Variants in MAP3K5 observed in about 807,000 individuals in gnomAD.
MAP3K5 encodes mitogen-activated protein kinase kinase kinase 5.
In MAP3K5, 56 loss-of-function variants were observed where a neutral mutation model predicts 158.7. The ratio of observed to expected loss-of-function variants is 0.35; its 90% CI spans 0.28 to 0.44. The LOEUF (loss-of-function observed/expected upper bound fraction) is 0.44. Among genes scored for constraint, MAP3K5 ranks in the 20% least tolerant of loss-of-function variants. The pLI is 1.00. For missense variants in MAP3K5, 1,294 were observed against 1,674.8 expected, an observed-to-expected ratio of 0.77 and a Z score of 3.97; for synonymous variants, 579 against 601.7, an observed-to-expected ratio of 0.96 and a Z score of 0.55.
chr6:136,698,851 T>C (rs1383714705), intron 3 of MAP3K5, among the ~76,000 whole-genome samples, 169 bp from the exon 4 acceptor site: 4 of 152,170 alleles, frequency 2.6e-5, no homozygotes, highest in African/African-American at 9.7e-5. Context: ...TTCCTTTCAC[T>C]GCATACTTCA....
intron 14 of MAP3K5, among the ~76,000 whole-genome samples, chr6:136,629,736 G>C (rs1042635545): frequency 6.6e-6 from 1 of 150,398 alleles, no homozygotes; most frequent in African/African-American, 2.5e-5. Context: ...TTACAGGTGT[G>C]AGCCATGGCG....
intron 27 of MAP3K5, among the ~76,000 whole-genome samples, chr6:136,562,251 G>C (rs1830548076): frequency 6.6e-6 from 1 of 152,072 alleles, no homozygotes; most frequent in African/African-American, 2.4e-5. Context: ...AAAACAGAGA[G>C]CCCTGTTTAC....
chr6:136,562,126 C>T, intron 27 of MAP3K5, among the ~76,000 whole-genome samples: 1 of 152,054 alleles, frequency 6.6e-6, no homozygotes, highest in East Asian at 1.9e-4. Flanking sequence ...CTATTTAAGC[C>T]TCTTCAAATT....
chr6:136,595,107 C>T (rs1453762936), intron 21 of MAP3K5, among the ~76,000 whole-genome samples: 2 of 152,092 alleles, frequency 1.3e-5, no homozygotes, highest in Non-Finnish European at 2.9e-5. Flanking sequence ...GCCCTGATTC[C>T]CTCCTCGGTT....
Position 136,605,895 on chromosome 6 carries a change from C to A in MAP3K5, c.2522-529G>T, listed in dbSNP as rs374939544. Among the ~76,000 whole-genome samples the A allele has an allele frequency of 1.4e-4, 21 of 152,262 alleles. 1 individual carries two copies. Among genetic ancestry groups the A allele is most frequent in the East Asian group, 7.7e-4 (4 of 5,186 alleles). On this transcript the variant is annotated intron_variant, in intron 18 of 29. Transcript: ENST00000359015. Reference sequence around the variant, plus strand: ...CATGACAGCATAAAGATTCTGAAAGCCATTGTGAAAATTAATGCAAATAAA... The same window carrying A: ...CATGACAGCATAAAGATTCTGAAAGACATTGTGAAAATTAATGCAAATAAA...
chr6:136,617,780 A>C (rs1776630463), intron 15 of MAP3K5, among the ~76,000 whole-genome samples: 1 of 152,104 alleles, frequency 6.6e-6, no homozygotes, highest in African/African-American at 2.4e-5. Flanking sequence ...TAAAAATATA[A>C]AAATTAGCTG....
At chr6:136,670,668 AAAAT>A in intron 7 of MAP3K5, among the ~76,000 whole-genome samples, 1 of 152,190 alleles carries the variant, frequency 6.6e-6, no homozygotes, top group Middle Eastern at 3.2e-3. Flanking sequence ...TCCATAATTT[AAAAT>A]AAATTAAACA....
intron 2 of MAP3K5, among the ~76,000 whole-genome samples, chr6:136,716,413 G>T (rs868082672): frequency 6.6e-6 from 1 of 152,128 alleles, no homozygotes; most frequent in African/African-American, 2.4e-5. Context: ...AAGTAGCATT[G>T]TTTAAAGTGA....
chr6:136,705,572 C>T (rs888548003), intron 2 of MAP3K5, among the ~76,000 whole-genome samples: 1 of 152,184 alleles, frequency 6.6e-6, no homozygotes, highest in Admixed American at 6.5e-5. Flanking sequence ...TCCCAAAATG[C>T]TGGGATTACA....
At chr6:136,653,830 T>C (rs1022880746) in intron 10 of MAP3K5, among the ~76,000 whole-genome samples, 4 of 152,170 alleles carry the variant, frequency 2.6e-5, no homozygotes, top group African/African-American at 9.7e-5. Context: ...ATGAAGTCGT[T>C]GTAGGAAAAC....
intron 7 of MAP3K5, among the ~76,000 whole-genome samples, chr6:136,693,883 G>C (rs1175629824): frequency 6.6e-6 from 1 of 152,156 alleles, no homozygotes; most frequent in Non-Finnish European, 1.5e-5. Context: ...AGTTACTGGA[G>C]AGGCTGAGGC....
chr6:136,736,767 T>C (rs1782478379), intron 1 of MAP3K5, among the ~76,000 whole-genome samples: 1 of 152,024 alleles, frequency 6.6e-6, no homozygotes, highest in South Asian at 2.1e-4. Context: ...CATAGCTCAC[T>C]GGGCTCAACT....
At chr6:136,586,597 C>T (rs912721046) in intron 23 of MAP3K5, among the ~76,000 whole-genome samples, 3 of 152,194 alleles carry the variant, frequency 2.0e-5, no homozygotes, top group African/African-American at 4.8e-5. Flanking sequence ...ATAGATTTAA[C>T]GGTATGCATT....
intron 14 of MAP3K5, chr6:136,630,439 G>A (rs1245226478): frequency 6.6e-6 from 1 of 152,168 alleles, no homozygotes; most frequent in Admixed American, 6.5e-5. Flanking sequence ...ATATGTGAGT[G>A]CATTAGTGAG....
intron 1 of MAP3K5, among the ~76,000 whole-genome samples, chr6:136,756,081 C>T (rs1178750468): frequency 4.0e-5 from 6 of 151,014 alleles, no homozygotes; most frequent in African/African-American, 1.5e-4. Context: ...CCAAAATGGG[C>T]AGATCGCTTG....
chr6:136,741,523 C>T (rs1167960039), intron 1 of MAP3K5, among the ~76,000 whole-genome samples: 6 of 150,950 alleles, frequency 4.0e-5, no homozygotes, highest in Non-Finnish European at 7.4e-5. Flanking sequence ...AAAAAAAAAC[C>T]CTATAGCTAA....
rs201346343 is a variant in MAP3K5 at position 136,567,685 on chromosome 6, C to T, written c.3707G>A (p.Ser1236Asn). 1.0e-4 allele frequency: 163 copies of T among 1,614,180 alleles called. No individual in the cohort carries two copies. Among genetic ancestry groups the T allele is most frequent in the African/African-American group, 4.3e-4 (32 of 75,050 alleles). ...CTGTACATTCAGTGACCGGTGAGCA[C>T]TCTGGGAATCATGAGACACAGTAGA... is the stretch of plus-strand genomic sequence containing the variant. ...LSSTVSHDSQ[S>N]AHRSLNVQLG... The change falls in exon 26 of 30, where the codon AGT becomes AAT. Residue 1236 changes from serine to asparagine, a missense_variant. Physicochemically the swap from Ser to Asn is conservative, Grantham distance 46 (BLOSUM62 1). Around this residue, in one of 5 missense-constraint regions of MAP3K5, gnomAD observed 199 missense variants for 220.3 expected, o/e 0.90. Transcript: ENST00000359015.
intron 24 of MAP3K5, 38 bp downstream of exon 24, chr6:136,583,517 T>C: frequency 6.5e-7 from 1 of 1,534,584 alleles, no homozygotes; most frequent in Non-Finnish European, 8.9e-7. Context: ...TAACTAATTT[T>C]AGTGTGTGGG....
At chr6:136,594,037 T>A (rs1356595039) in intron 21 of MAP3K5, among the ~76,000 whole-genome samples, 1 of 152,164 alleles carries the variant, frequency 6.6e-6, no homozygotes, top group Non-Finnish European at 1.5e-5. Flanking sequence ...CAGGATGAAT[T>A]GGTTGACTTA....
Sources: allele counts gnomAD v4.1 joint callset (sites outside exome capture counted in the v4.1 genomes callset), GRCh38; gene constraint gnomAD v4.1.1; regional missense constraint gnomAD v4.1.1; transcripts MANE v1.5; gene names NCBI Gene and HGNC (gene_info 2026-07-23, HGNC 2026-07-21).